The following DDX47 variants were observed in gnomAD, a reference collection of about 807,000 sequenced individuals.
DDX47 encodes the protein probable ATP-dependent RNA helicase DDX47.
A neutral mutation model predicts 58.8 loss-of-function variants in DDX47; 60 were observed. The ratio of observed to expected loss-of-function variants is 1.02; its 90% confidence interval spans 0.83 to 1.26. DDX47 has a LOEUF of 1.26. Ranked by LOEUF, DDX47 falls within the 50% of genes most tolerant of loss-of-function variation. The pLI is 0.00. For synonymous variants in DDX47, 197 were observed against 204.6 expected (o/e 0.96, Z 0.32); for missense variants, 530 against 573.2 (o/e 0.92, Z 0.77).
At position 12,822,080 on chromosome 12, in the gene DDX47, A is replaced by G; in HGVS notation, c.558A>G (p.Thr186=). Residue 186 remains threonine, a synonymous_variant, in exon 5 of 12, where the codon ACA becomes ACG. Transcript: ENST00000358007. ...ADRILNMDFE[T]EVDKILKVIP... ...GAATACTGAATATGGATTTTGAGAC[A>G]GAGGTGAGCTCTCAATTTCTTTCCT... 6.2e-7 allele frequency: 1 copy of G among 1,606,040 alleles called. No individual in the cohort carries two copies. Among genetic ancestry groups the G allele is most frequent in the Non-Finnish European group, 8.5e-7 (1 of 1,173,020 alleles).
chr12:12,821,779 C>G, intron 4 of DDX47, 53 bp downstream of exon 4: 1 of 1,436,500 alleles, frequency 7.0e-7, no homozygotes, highest in Non-Finnish European at 9.8e-7. Context: ...TGGAGAAAAT[C>G]TACCAGTGTT....
intron 2 of DDX47, among the ~76,000 whole-genome samples, chr12:12,817,166 G>T (rs73069496): frequency 0.016 from 2,444 of 152,230 alleles, 35 homozygotes; most frequent in Non-Finnish European, 0.026. Context: ...TTGAATTTGG[G>T]ACTACTGACG....
intron 2 of DDX47, 112 bp from the exon 3 acceptor site, chr12:12,821,096 G>A (rs1862962438): frequency 2.7e-6 from 3 of 1,107,434 alleles, no homozygotes; most frequent in South Asian, 1.5e-5. Context: ...TCTCTCCCCA[G>A]TTCATCAGAT....
chr12:12,826,986 G>T (rs117469360), intron 10 of DDX47, among the ~76,000 whole-genome samples: 2 of 151,942 alleles, frequency 1.3e-5, no homozygotes, highest in East Asian at 3.9e-4. Flanking sequence ...GGAACTCCTG[G>T]TCTCAAGTGA....
intron 8 of DDX47, 138 bp from the exon 9 acceptor site, chr12:12,824,402 C>T (rs1371612788): frequency 1.2e-5 from 10 of 819,094 alleles, no homozygotes; most frequent in East Asian, 5.8e-5. Context: ...CTGTTTTGAC[C>T]TGTGAAGCCC....
Position 12,824,014 on chromosome 12 carries a change from C to T in DDX47, c.895C>T (p.Gln299Ter), listed in dbSNP as rs750241560. 3.1e-6 allele frequency: 5 copies of T among 1,613,280 alleles called. No individual in the cohort carries two copies. Among genetic ancestry groups the T allele is most frequent in the Admixed American group, 1.7e-5 (1 of 59,934 alleles). ...CATCCCCCTCCATGGACAAATGAGT[C>T]AGGTAAGGATTCATCATCATCATCA... ...TAIPLHGQMS[Q>*]SKRLGSLNKF... The change falls in exon 8 of 12, where the codon CAG (glutamine) becomes TAG (stop). Residue 299 changes from glutamine to a stop codon, truncating the protein, a stop_gained and splice_region_variant. Coordinates refer to ENST00000358007, the MANE Select transcript of DDX47 (RefSeq NM_016355.4). LOFTEE classifies it high-confidence loss of function.
At chr12:12,824,362 T>A (rs1379481327) in intron 8 of DDX47, 178 bp from the exon 9 acceptor site, 1 of 618,780 alleles carries the variant, frequency 1.6e-6, no homozygotes, top group African/African-American at 1.9e-5. Context: ...ATCATATATA[T>A]TTTTTTAATT....
chr12:12,821,716 TATA>T lies in DDX47; in HGVS notation c.439_441del (p.Ile147del). 1 of 1,611,100 alleles carries T rather than the reference TATA, an allele frequency of 6.2e-7. No individual in the cohort carries two copies. Among genetic ancestry groups the T allele is most frequent in the Non-Finnish European group, 8.5e-7 (1 of 1,177,276 alleles). On this transcript the variant is annotated inframe_deletion, in exon 4 of 12. Coordinates refer to ENST00000358007, the MANE Select transcript of DDX47 (RefSeq NM_016355.4). Reference sequence around the variant, plus strand: ...CTTTGGCCCTTGCAAAAAAACCACATATAATAATAGGTGAGTAACTGACAAAGG... The same window carrying T: ...CTTTGGCCCTTGCAAAAAAACCACATATAATAGGTGAGTAACTGACAAAGG...
chr12:12,821,838 T>A (rs544765535), intron 4 of DDX47, 112 bp downstream of exon 4: 56 of 1,207,884 alleles, frequency 4.6e-5, no homozygotes, highest in Non-Finnish European at 6.7e-5. Context: ...TTAAATTTTT[T>A]AATTTCTTAA....
At chr12:12,826,214 A>G (rs1428366268) in intron 10 of DDX47, 144 bp downstream of exon 10, 1 of 584,064 alleles carries the variant, frequency 1.7e-6, no homozygotes, top group Non-Finnish European at 2.9e-6. Flanking sequence ...AGATGGGAAT[A>G]ATAATACCTA....
Position 12,823,233 on chromosome 12 carries a change from A to G in DDX47, c.664A>G (p.Asn222Asp). The change falls in exon 7 of 12, where the codon AAT (asparagine) becomes GAT (aspartate). Residue 222 changes from asparagine to aspartate, a missense_variant. Asn to Asp is a conservative substitution (Grantham distance 23). Coordinates refer to ENST00000358007, the MANE Select transcript of DDX47 (RefSeq NM_016355.4). ...AAAACTTCAGCGAGCAGCTCTGAAG[A>G]ATCCTGTGAAATGTGCCGTTTCCTC... Reference protein sequence around the residue: ...VQKLQRAALKNPVKCAVSSKY... With the variant: ...VQKLQRAALKDPVKCAVSSKY... 2 of 1,614,044 alleles carry G rather than the reference A, an allele frequency of 1.2e-6. No homozygotes were observed. The highest frequency in any genetic ancestry group is 4.5e-5 in the East Asian group (2 of 44,892).
At chr12:12,823,118 T>A in intron 6 of DDX47, 85 bp from the exon 7 acceptor site, 3 of 857,506 alleles carry the variant, frequency 3.5e-6, no homozygotes, top group Non-Finnish European at 5.9e-6. Context: ...CAACATGAGA[T>A]TTGGGTGAGG....
At position 12,823,332 on chromosome 12, in the gene DDX47, C is replaced by T. The variant is rs1305605919; in HGVS notation, c.750+13C>T. The T allele has an allele frequency of 7.0e-7, 1 of 1,422,864 alleles. No individual in the cohort carries two copies. Among genetic ancestry groups the T allele is most frequent in the Non-Finnish European group, 9.9e-7 (1 of 1,006,328 alleles). 88.1% of individuals were successfully genotyped at this position (1,422,864 alleles called of 1,614,324 possible). ...CTCTAAATTCAAGGTAAAATGTTTA[C>T]TTTGATCATTCCTGCCTCTCCCTCT... On this transcript the variant is annotated intron_variant, in intron 7 of 11. Coordinates refer to ENST00000358007, the MANE Select transcript of DDX47 (RefSeq NM_016355.4).
At chr12:12,826,844 A>G (rs56210755) in intron 10 of DDX47, among the ~76,000 whole-genome samples, 5,383 of 152,124 alleles carry the variant, frequency 0.035, 325 homozygotes, top group African/African-American at 0.12. Context: ...TGCAGCTTCA[A>G]ACTCCTGGGC....
intron 2 of DDX47, among the ~76,000 whole-genome samples, chr12:12,819,803 C>T (rs1016175741): frequency 6.6e-6 from 1 of 152,158 alleles, no homozygotes; most frequent in Non-Finnish European, 1.5e-5. Flanking sequence ...GTGTGAGTCA[C>T]CCACATTTCC....
chr12:12,818,391 G>A (rs1403006937), intron 2 of DDX47, among the ~76,000 whole-genome samples: 1 of 152,042 alleles, frequency 6.6e-6, no homozygotes, highest in East Asian at 1.9e-4. Context: ...CGTGGTGACG[G>A]GCACCTGTAG....
intron 2 of DDX47, chr12:12,820,876 T>G: frequency 3.2e-6 from 1 of 307,824 alleles, no homozygotes; most frequent in Non-Finnish European, 6.1e-6. Context: ...TTTGCTTACT[T>G]CCAGTTTTAA....
Position 12,821,982 on chromosome 12 carries a change from A to G in DDX47, c.460A>G (p.Ile154Val). ...CTTGGTAGCAACTCCTGGTCGACTG[A>G]TTGACCACTTGGAAAATACGAAAGG... The part of the protein sequence containing the change: ...HIIIATPGRL[I>V]DHLENTKGFN... Residue 154 changes from isoleucine (I) to valine (V), a missense_variant, in exon 5 of 12, where the codon ATT becomes GTT. Physicochemically the swap from Ile to Val is conservative, Grantham distance 29. Coordinates refer to ENST00000358007, the MANE Select transcript of DDX47 (RefSeq NM_016355.4). 1 of 1,613,266 alleles carries G rather than the reference A, an allele frequency of 6.2e-7. No individual in the cohort carries two copies. Among genetic ancestry groups the G allele is most frequent in the Non-Finnish European group, 8.5e-7 (1 of 1,179,428 alleles).
chr12:12,818,602 T>A (rs983714650), intron 2 of DDX47, among the ~76,000 whole-genome samples: 8 of 152,128 alleles, frequency 5.3e-5, no homozygotes, highest in Non-Finnish European at 1.2e-4. Context: ...AAAACACTGA[T>A]GTTAATGAAA....
Sources: allele counts gnomAD v4.1 joint callset (sites outside exome capture counted in the v4.1 genomes callset), GRCh38; gene constraint gnomAD v4.1.1; transcripts MANE v1.5; gene names NCBI Gene and HGNC (gene_info 2026-07-23, HGNC 2026-07-21).